Variants in PCDHA2 observed in about 807,000 individuals in gnomAD.
PCDHA2 encodes the protein protocadherin alpha-2.
Under a neutral mutation model 66.0 loss-of-function variants are expected in PCDHA2, and 58 were observed. That is an observed-to-expected ratio of 0.88 (90% CI 0.71 to 1.09). The LOEUF (loss-of-function observed/expected upper bound fraction) is 1.09, where lower values mean the gene tolerates loss of function less well. Ranked by LOEUF, PCDHA2 falls within the 50% of genes least tolerant of loss-of-function variation. PCDHA2 has a pLI of 0.00. For missense variants in PCDHA2, 1,267 were observed against 1,242.3 expected (o/e 1.02, Z -0.30); for synonymous variants, 634 against 554.0 (o/e 1.14, Z -2.03).
chr5:140,899,675 C>T lies in PCDHA2; in HGVS notation c.2389-79274C>T, dbSNP rs569711192. On this transcript the variant is annotated intron_variant, in intron 1 of 3. Coordinates refer to ENST00000526136, the MANE Select transcript of PCDHA2 (RefSeq NM_018905.3). The stretch of plus-strand genomic sequence containing the variant: ...TTGTGTCTCTGCCCGGCTTTGGTAT[C>T]AGGATGATGCTGGCCTCATAAAATG... Among the ~76,000 whole-genome samples the T allele has an allele frequency of 4.6e-3, 702 of 152,296 alleles. 3 individuals are homozygous for T. The highest frequency in any genetic ancestry group is 0.016 in the African/African-American group (679 of 41,556).
chr5:140,941,190 TTTTTCTTTCTTC>T (rs1475511565), intron 1 of PCDHA2, among the ~76,000 whole-genome samples: 3 of 129,438 alleles, frequency 2.3e-5, no homozygotes, highest in South Asian at 2.5e-4. Context: ...TGCTTCTTTT[TTTTTCTTTCTTC>T]CTTTCTTTCT....
chr5:140,927,904 C>T, intron 1 of PCDHA2: 5 of 1,614,202 alleles, frequency 3.1e-6, no homozygotes, highest in Non-Finnish European at 4.2e-6. Flanking sequence ...CGATCATGCC[C>T]CCGAACTGGA....
intron 1 of PCDHA2, chr5:140,836,150 T>C (rs1373246129): frequency 4.3e-6 from 7 of 1,613,640 alleles, no homozygotes; most frequent in Admixed American, 1.7e-5. Context: ...GCGCGGGCCA[T>C]GTGGTGGCGA....
chr5:140,839,415 G>A (rs1374015208), intron 1 of PCDHA2, among the ~76,000 whole-genome samples: 2 of 151,792 alleles, frequency 1.3e-5, no homozygotes, highest in African/African-American at 4.8e-5. Context: ...TTTGAGACAG[G>A]GTCTCACTCT....
chr5:140,801,684 G>A (rs782708273), intron 1 of PCDHA2: 5 of 1,614,086 alleles, frequency 3.1e-6, no homozygotes, highest in East Asian at 2.2e-5. Context: ...TGCAGATATC[G>A]GAACAAATTC....
At chr5:140,841,071 T>G (rs2150310852) in intron 1 of PCDHA2, 1 of 492,430 alleles carries the variant, frequency 2.0e-6, no homozygotes, top group Non-Finnish European at 3.5e-6. Context: ...GATAAAGAAA[T>G]AGAAAGTGCA....
intron 1 of PCDHA2, among the ~76,000 whole-genome samples, chr5:140,798,311 T>C (rs536333380): frequency 6.6e-6 from 1 of 152,352 alleles, no homozygotes; most frequent in South Asian, 2.1e-4. Flanking sequence ...ATAAGTAAAA[T>C]AACCCATTAT....
At chr5:140,854,140 T>A (rs251357) in intron 1 of PCDHA2, 2 of 418,878 alleles carry the variant, frequency 4.8e-6, no homozygotes, top group Non-Finnish European at 3.0e-6. Flanking sequence ...TCAGCCCGGG[T>A]GACAGCAAGA....
At chr5:140,968,704 G>A (rs782208487) in intron 1 of PCDHA2, 6 of 1,614,002 alleles carry the variant, frequency 3.7e-6, no homozygotes, top group Admixed American at 1.7e-5. Context: ...GGACTACCAG[G>A]AAGATGGGAG....
At chr5:140,857,859 C>T (rs1554150765) in intron 1 of PCDHA2, 3 of 1,597,718 alleles carry the variant, frequency 1.9e-6, no homozygotes, top group Non-Finnish European at 2.6e-6. Context: ...GGATACAACG[C>T]GTGGCTGTCG....
At chr5:140,835,716 G>A in intron 1 of PCDHA2, 1 of 1,613,908 alleles carries the variant, frequency 6.2e-7, no homozygotes, top group Non-Finnish European at 8.5e-7. Flanking sequence ...GTCCGTGGAG[G>A]TGGCCGACGT....
At chr5:140,973,760 A>T (rs2153800993) in intron 1 of PCDHA2, among the ~76,000 whole-genome samples, 1 of 152,376 alleles carries the variant, frequency 6.6e-6, no homozygotes, top group Admixed American at 6.5e-5. Flanking sequence ...GCAGGGACAC[A>T]GCCTGGCATA....
chr5:140,830,473 T>C (rs2150186969), intron 1 of PCDHA2: 15 of 1,553,368 alleles, frequency 9.7e-6, no homozygotes, highest in Non-Finnish European at 1.3e-5. Context: ...TAAATGAAGA[T>C]CATGATGCCA....
chr5:140,881,456 T>C, intron 1 of PCDHA2: 1 of 690,256 alleles, frequency 1.4e-6, no homozygotes, highest in Non-Finnish European at 1.8e-6. Context: ...TCCAAAACCT[T>C]AGAGCATTGT....
At chr5:141,006,108 T>C (rs1268824828) in intron 3 of PCDHA2, among the ~76,000 whole-genome samples, 5 of 151,864 alleles carry the variant, frequency 3.3e-5, no homozygotes. Context: ...GTAAGGAGTT[T>C]TTTTTTTTTT....
chr5:140,921,440 G>C (rs1026829665), intron 1 of PCDHA2, among the ~76,000 whole-genome samples: 1 of 152,056 alleles, frequency 6.6e-6, no homozygotes, highest in South Asian at 2.1e-4. Flanking sequence ...CTTCAATGGT[G>C]TCTGAAAAGG....
intron 1 of PCDHA2, chr5:140,883,858 G>C (rs2059854560): frequency 6.2e-7 from 1 of 1,613,142 alleles, no homozygotes; most frequent in Middle Eastern, 1.8e-4. Context: ...AGCTGGAGCT[G>C]TTGCAGTTCC....
chr5:140,798,725 T>G (rs1762354739), intron 1 of PCDHA2, among the ~76,000 whole-genome samples: 1 of 152,234 alleles, frequency 6.6e-6, no homozygotes, highest in African/African-American at 2.4e-5. Context: ...ATGACTACAT[T>G]TTCACTTGAA....
intron 1 of PCDHA2, among the ~76,000 whole-genome samples, chr5:140,924,841 G>C (rs891279703): frequency 1.1e-4 from 17 of 151,378 alleles, no homozygotes; most frequent in South Asian, 2.1e-4. Context: ...GTTGCAGGGA[G>C]CTCAGATCGT....
Sources: gnomAD v4.1 joint callset for allele counts (sites outside exome capture counted in the v4.1 genomes callset) on GRCh38, gnomAD v4.1.1 for gene constraint, MANE v1.5 for transcripts, NCBI Gene and HGNC (gene_info 2026-07-23, HGNC 2026-07-21) for gene names.